The following ODF2L variants were observed in gnomAD, a reference collection of about 807,000 sequenced individuals.
ODF2L encodes outer dense fiber of sperm tails 2 like.
In ODF2L, 76 loss-of-function variants were observed where a neutral mutation model predicts 86.3. That is an observed-to-expected ratio of 0.88 (90% confidence interval 0.73 to 1.07). The LOEUF is 1.07. ODF2L is among the 50% of genes least tolerant of loss of function. ODF2L has a pLI of 0.00. For synonymous variants in ODF2L, 241 were observed against 231.3 expected (o/e 1.04, Z -0.38); for missense variants, 748 against 717.4 (o/e 1.04, Z -0.49).
chr1:86,362,327 T>C (rs1004353060), intron 11 of ODF2L, among the ~76,000 whole-genome samples: 22 of 151,774 alleles, frequency 1.4e-4, no homozygotes, highest in African/African-American at 5.1e-4. Context: ...TGAAACAGGG[T>C]GTCAGGCCCA....
chr1:86,372,395 T>C (rs1231494667), intron 9 of ODF2L, 36 bp downstream of exon 9: 4 of 1,037,168 alleles, frequency 3.9e-6, no homozygotes, highest in Admixed American at 3.6e-5. Context: ...GTGAAAACTC[T>C]TACTAAATAA....
intron 7 of ODF2L, among the ~76,000 whole-genome samples, chr1:86,378,808 A>T (rs1394901939): frequency 2.6e-5 from 4 of 152,014 alleles, no homozygotes; most frequent in African/African-American, 9.7e-5. Context: ...GATTCTGAAG[A>T]TTACAATTCA....
At chr1:86,380,133 A>C (rs550624892) in intron 7 of ODF2L, among the ~76,000 whole-genome samples, 1 of 152,280 alleles carries the variant, frequency 6.6e-6, no homozygotes, top group Admixed American at 6.5e-5. Flanking sequence ...ATTCCTTAGA[A>C]AGCCATTTTA....
At chr1:86,360,717 C>A (rs76153407) in intron 11 of ODF2L, 181 bp from the exon 11 acceptor site, 6,374 of 401,030 alleles carry the variant, frequency 0.016, 306 homozygotes, top group East Asian at 0.14. Flanking sequence ...TAATTATGAA[C>A]ATCCTTATTA....
At position 86,372,555 on chromosome 1, in the gene ODF2L, A is replaced by C; in HGVS notation, c.811-15T>G. 8.4e-6 allele frequency: 11 copies of C among 1,306,406 alleles called. No individual in the cohort carries two copies. The highest frequency in any genetic ancestry group is 1.1e-5 in the Non-Finnish European group (11 of 958,960). The allele number at this position is 1,306,406 out of a possible 1,614,324, so 80.9% of individuals were successfully genotyped here. On this transcript the variant is annotated splice_polypyrimidine_tract_variant and intron_variant, in intron 8 of 17. Transcript: ENST00000317336. ...AACTTGGCTTCCTAAAAAATACATAAAAGTATTCATACTATAATTTTAAAA... is the reference window on the plus strand; with the variant it reads ...AACTTGGCTTCCTAAAAAATACATACAAGTATTCATACTATAATTTTAAAA...
chr1:86,356,405 T>G, intron 14 of ODF2L, 39 bp downstream of exon 13: 3 of 1,546,452 alleles, frequency 1.9e-6, no homozygotes, highest in Non-Finnish European at 1.8e-6. Flanking sequence ...AAGCATTCTT[T>G]TAACGCATCT....
intron 1 of ODF2L, among the ~76,000 whole-genome samples, chr1:86,394,840 C>CTTTTTTTTTTT (rs33996151): frequency 1.5e-5 from 2 of 129,316 alleles, no homozygotes; most frequent in African/African-American, 5.8e-5. Context: ...TTTCTTTTTC[C>CTTTTTTTTTTT]TTTTTTTTTT....
At chr1:86,378,480 A>G (rs1034555348) in intron 7 of ODF2L, among the ~76,000 whole-genome samples, 1 of 152,196 alleles carries the variant, frequency 6.6e-6, no homozygotes, top group African/African-American at 2.4e-5. Flanking sequence ...TCTCTGCAGT[A>G]CCAATTAACT....
chr1:86,368,675 CA>C lies in ODF2L; in HGVS notation c.1103del (p.Leu368Ter), dbSNP rs1251478344. On this transcript the variant is annotated frameshift_variant, in exon 11 of 18. Coordinates refer to ENST00000317336, the Ensembl canonical transcript of ODF2L. LOFTEE classifies it high-confidence loss of function. ...TGTAGCAAAGCATATCAAGAACAAT[CA>C]AAATGTTCATATTCTTTGACTCAGT... 6.2e-6 allele frequency: 9 copies of C among 1,449,326 alleles called. No individual in the cohort carries two copies. The highest frequency in any genetic ancestry group is 8.3e-6 in the Non-Finnish European group (9 of 1,086,722). 89.8% of individuals were successfully genotyped at this position (1,449,326 alleles called of 1,614,324 possible).
At chr1:86,349,442 G>C (rs1262015267), downstream of ODF2L, 2 of 152,100 alleles carry the variant, frequency 1.3e-5, no homozygotes, top group African/African-American at 4.8e-5. Context: ...GATAAAGACA[G>C]GTTGCAAATA....
At chr1:86,373,748 T>C (rs1659977479) in intron 8 of ODF2L, among the ~76,000 whole-genome samples, 1 of 152,106 alleles carries the variant, frequency 6.6e-6, no homozygotes, top group African/African-American at 2.4e-5. Context: ...ACCTTACTTG[T>C]CTTTGCTATA....
chr1:86,387,106 T>C lies in ODF2L; in HGVS notation c.-59-20A>G, dbSNP rs948779529. Reference sequence around the variant, plus strand: ...TGAAAGCTAGGAAATATTTTAGTTATTAAATTTATTTCAATAGAGTTTTTT... The same window carrying C: ...TGAAAGCTAGGAAATATTTTAGTTACTAAATTTATTTCAATAGAGTTTTTT... On this transcript the variant is annotated intron_variant, in intron 1 of 17. Coordinates refer to ENST00000317336, the Ensembl canonical transcript of ODF2L. The C allele has an allele frequency of 4.3e-5, 27 of 633,884 alleles. No homozygotes were observed. The highest frequency in any genetic ancestry group is 7.1e-5 in the Non-Finnish European group (27 of 381,644). The allele number at this position is 633,884 out of a possible 1,614,324, so 39.3% of individuals were successfully genotyped here. A position where few individuals can be genotyped will look rare whatever the true frequency, so the allele number is the denominator to read the frequency against.
chr1:86,366,207 G>A (rs964166282), intron 11 of ODF2L, among the ~76,000 whole-genome samples: 3 of 151,580 alleles, frequency 2.0e-5, no homozygotes, highest in Non-Finnish European at 4.4e-5. Flanking sequence ...CCAGACTTTC[G>A]GAAAAAGAGT....
At chr1:86,349,663 A>T (rs546226945), downstream of ODF2L, 1 of 152,360 alleles carries the variant, frequency 6.6e-6, no homozygotes, top group South Asian at 2.1e-4. Context: ...ATTTGGAAAG[A>T]AAAATAGTAA....
intron 11 of ODF2L, 55 bp from the exon 11 acceptor site, chr1:86,360,591 G>T: frequency 2.8e-6 from 2 of 712,728 alleles, no homozygotes; most frequent in Non-Finnish European, 4.8e-6. Flanking sequence ...ATACTCCAGT[G>T]CTACAGAATT....
intron 1 of ODF2L, among the ~76,000 whole-genome samples, chr1:86,395,021 T>A (rs2101630660): frequency 6.6e-6 from 1 of 152,124 alleles, no homozygotes; most frequent in African/African-American, 2.4e-5. Context: ...TTTGTATTTG[T>A]TTTAGTAGAG....
chr1:86,351,896 A>G (rs1658162839), exon 18 of ODF2L: 2 of 1,121,702 alleles, frequency 1.8e-6, no homozygotes, highest in East Asian at 5.2e-5. Context: ...TTAGCCAAGT[A>G]CTAGGGACAT....
intron 1 of ODF2L, among the ~76,000 whole-genome samples, chr1:86,387,862 T>C (rs1216547343): frequency 6.6e-6 from 1 of 152,172 alleles, no homozygotes; most frequent in Non-Finnish European, 1.5e-5. Context: ...TTTAAGGTTT[T>C]CTACATTTTT....
chr1:86,356,782 G>A (rs1188806500), intron 13 of ODF2L, among the ~76,000 whole-genome samples, 180 bp from the exon 13 acceptor site: 1 of 152,148 alleles, frequency 6.6e-6, no homozygotes, highest in Non-Finnish European at 1.5e-5. Flanking sequence ...AAAAAGTGGG[G>A]TAGACTTTAG....
Sources: gnomAD v4.1 joint callset for allele counts (sites outside exome capture counted in the v4.1 genomes callset) on GRCh38, gnomAD v4.1.1 for gene constraint, MANE v1.5 for transcripts, NCBI Gene and HGNC (gene_info 2026-07-23, HGNC 2026-07-21) for gene names.